SAMMSON: variants seen among roughly 807,000 people sequenced by gnomAD.
SAMMSON encodes the protein survival associated mitochondrial melanoma specific oncogenic non-coding RNA.
chr3:70,324,192 T>TATC (rs755314273), intron 7 of SAMMSON, among the ~76,000 whole-genome samples: 4,736 of 74,066 alleles, frequency 0.064, 111 homozygotes, highest in African/African-American at 0.073. Context: ...TCTATCTATC[T>TATC]ATCTATCATC....
At chr3:70,172,579 T>G (rs1412612070) in intron 4 of SAMMSON, 6 of 151,976 alleles carry the variant, frequency 3.9e-5, no homozygotes, top group Non-Finnish European at 5.9e-5. Flanking sequence ...GACCTGTGTT[T>G]GGGTTAGGGG....
intron 6 of SAMMSON, among the ~76,000 whole-genome samples, chr3:70,252,059 T>C (rs1252216228): frequency 6.6e-6 from 1 of 152,218 alleles, no homozygotes; most frequent in Non-Finnish European, 1.5e-5. Flanking sequence ...GAGTTTCTCC[T>C]GTTATTATTA....
intron 3 of SAMMSON, among the ~76,000 whole-genome samples, chr3:70,020,128 G>C (rs1300152256): frequency 2.0e-5 from 3 of 152,038 alleles, no homozygotes; most frequent in South Asian, 2.1e-4. Flanking sequence ...TGAGGGACTG[G>C]GCCGAGCACC....
chr3:70,069,317 A>G (rs1343987916), intron 3 of SAMMSON: 1 of 152,100 alleles, frequency 6.6e-6, no homozygotes, highest in East Asian at 1.9e-4. Context: ...AATTTCACAA[A>G]TGCTTATGGA....
At chr3:70,033,215 T>G (rs968069391) in intron 3 of SAMMSON, among the ~76,000 whole-genome samples, 2 of 152,198 alleles carry the variant, frequency 1.3e-5, no homozygotes, top group Non-Finnish European at 2.9e-5. Context: ...TACTTACTTT[T>G]CCTTCTTCCC....
intron 4 of SAMMSON, chr3:70,205,111 A>G (rs1429184853): frequency 6.6e-6 from 1 of 152,118 alleles, no homozygotes; most frequent in African/African-American, 2.4e-5. Context: ...GAGTACCTTG[A>G]GCTTTGAAAA....
At chr3:70,157,680 G>T (rs1488175941) in intron 4 of SAMMSON, among the ~76,000 whole-genome samples, 3 of 152,078 alleles carry the variant, frequency 2.0e-5, no homozygotes, top group Non-Finnish European at 4.4e-5. Flanking sequence ...GACATAATTT[G>T]AAAATGTAGC....
intron 9 of SAMMSON, among the ~76,000 whole-genome samples, chr3:70,363,656 T>C (rs1303215802): frequency 6.6e-6 from 1 of 152,078 alleles, no homozygotes; most frequent in African/African-American, 2.4e-5. Flanking sequence ...TTAACTTAGA[T>C]ATTTGATACA....
intron 4 of SAMMSON, chr3:70,205,936 A>G (rs1701286653): frequency 6.6e-6 from 1 of 152,000 alleles, no homozygotes; most frequent in Admixed American, 6.6e-5. Context: ...TGTGGAGTCC[A>G]TAATTTTGAA....
chr3:70,105,926 A>G (rs1457394934), intron 4 of SAMMSON, among the ~76,000 whole-genome samples: 1 of 152,126 alleles, frequency 6.6e-6, no homozygotes, highest in Non-Finnish European at 1.5e-5. Flanking sequence ...GTTGATATTT[A>G]GTGTTTTTCA....
chr3:70,001,668 T>C (rs1423715859), intron 1 of SAMMSON, among the ~76,000 whole-genome samples: 2 of 152,170 alleles, frequency 1.3e-5, no homozygotes, highest in Non-Finnish European at 2.9e-5. Context: ...ATCACGACTT[T>C]CTAATTTTGC....
intron 7 of SAMMSON, among the ~76,000 whole-genome samples, chr3:70,319,692 A>G (rs1004131467): frequency 6.6e-6 from 1 of 152,116 alleles, no homozygotes; most frequent in South Asian, 2.1e-4. Context: ...CATTTAAGCC[A>G]TAAATCATAT....
intron 4 of SAMMSON, among the ~76,000 whole-genome samples, chr3:70,090,860 T>C (rs1172222366): frequency 1.4e-4 from 21 of 152,146 alleles, no homozygotes; most frequent in Admixed American, 1.4e-3. Context: ...TAAAGCTGCC[T>C]GAATCTTAGG....
chr3:70,129,154 T>G (rs1205784945), intron 4 of SAMMSON, among the ~76,000 whole-genome samples: 5 of 152,180 alleles, frequency 3.3e-5, no homozygotes, highest in Non-Finnish European at 7.4e-5. Context: ...ATTTAACATT[T>G]TGATAAAAGT....
chr3:70,432,211 A>G (rs1206053887), intron 2 of SAMMSON, among the ~76,000 whole-genome samples: 1 of 151,758 alleles, frequency 6.6e-6, no homozygotes, highest in South Asian at 2.1e-4. Flanking sequence ...TTTTTTTTTA[A>G]TATTAGCCTT....
At chr3:70,370,360 T>C (rs1702957563) in intron 9 of SAMMSON, among the ~76,000 whole-genome samples, 1 of 152,080 alleles carries the variant, frequency 6.6e-6, no homozygotes, top group Non-Finnish European at 1.5e-5. Context: ...GGTAGTTCTA[T>C]TTTTAATTTT....
At chr3:70,187,123 G>C (rs1163693252) in intron 4 of SAMMSON, among the ~76,000 whole-genome samples, 1 of 152,180 alleles carries the variant, frequency 6.6e-6, no homozygotes, top group Non-Finnish European at 1.5e-5. Flanking sequence ...GGGAGTAGGA[G>C]GGTAGGAAGA....
intron 7 of SAMMSON, chr3:70,291,386 A>G (rs1365349532): frequency 1.3e-5 from 2 of 152,188 alleles, no homozygotes; most frequent in African/African-American, 4.8e-5. Flanking sequence ...TGTTATCATT[A>G]CGATATAACA....
chr3:70,037,251 A>T (rs1027086656), intron 3 of SAMMSON, among the ~76,000 whole-genome samples: 8 of 151,968 alleles, frequency 5.3e-5, no homozygotes, highest in Admixed American at 5.2e-4. Context: ...TGCCATTCAC[A>T]CTGTCCTTCC....
Sources: allele counts gnomAD v4.1 joint callset (sites outside exome capture counted in the v4.1 genomes callset), GRCh38; gene constraint gnomAD v4.1.1; transcripts MANE v1.5; gene names NCBI Gene and HGNC (gene_info 2026-07-23, HGNC 2026-07-21).